Variants in ZMAT4 observed in about 807,000 individuals in gnomAD.
The protein encoded by ZMAT4 is zinc finger matrin-type 4.
Under a neutral mutation model 28.7 loss-of-function variants are expected in ZMAT4, and 17 were observed. That is an observed-to-expected ratio of 0.59 (90% CI 0.41 to 0.89). The LOEUF (loss-of-function observed/expected upper bound fraction) is 0.89. Among genes scored for constraint, ZMAT4 ranks in the 40% least tolerant of loss-of-function variants. The pLI, the probability that ZMAT4 is intolerant of heterozygous loss-of-function variation, is 0.00. For missense variants in ZMAT4, 240 were observed against 283.8 expected, an observed-to-expected ratio of 0.85 and a Z score of 1.11; for synonymous variants, 117 against 109.2, an observed-to-expected ratio of 1.07 and a Z score of -0.44.
At chr8:40,820,794 T>C (rs1343649672) in intron 2 of ZMAT4, among the ~76,000 whole-genome samples, 1 of 151,302 alleles carries the variant, frequency 6.6e-6, no homozygotes, top group Non-Finnish European at 1.5e-5. Context: ...TGTGTCTGTG[T>C]GTGTATATAT....
chr8:40,842,116 C>A (rs1816725489), intron 1 of ZMAT4, among the ~76,000 whole-genome samples: 1 of 152,172 alleles, frequency 6.6e-6, no homozygotes. Flanking sequence ...GGCACCTGAA[C>A]CTGTAGGTGA....
chr8:40,580,243 ACCT>A (rs1804414991), intron 6 of ZMAT4, among the ~76,000 whole-genome samples: 1 of 151,252 alleles, frequency 6.6e-6, no homozygotes, highest in South Asian at 2.1e-4. Context: ...CTATCTGCTG[ACCT>A]CCTGATCCGC....
intron 6 of ZMAT4, among the ~76,000 whole-genome samples, chr8:40,570,721 C>A (rs555009580): frequency 3.5e-5 from 2 of 57,500 alleles, no homozygotes; most frequent in East Asian, 5.5e-4. Context: ...AGAACAACAA[C>A]GACAGAAAAC....
At chr8:40,663,145 A>C (rs535470979) in intron 5 of ZMAT4, among the ~76,000 whole-genome samples, 1 of 152,194 alleles carries the variant, frequency 6.6e-6, no homozygotes, top group East Asian at 1.9e-4. Flanking sequence ...TCTTACCTTC[A>C]TCTAACCCAA....
intron 5 of ZMAT4, among the ~76,000 whole-genome samples, chr8:40,581,997 G>A (rs1295991931): frequency 2.6e-5 from 4 of 152,150 alleles, no homozygotes; most frequent in African/African-American, 9.7e-5. Context: ...ATTTGCCGCA[G>A]AGCTGAGACC....
chr8:40,713,492 A>G (rs1810711800), intron 3 of ZMAT4, among the ~76,000 whole-genome samples: 1 of 152,216 alleles, frequency 6.6e-6, no homozygotes. Context: ...GCAAAAAAAT[A>G]TTAACCATAC....
At chr8:40,680,337 T>A (rs1376486442) in intron 4 of ZMAT4, among the ~76,000 whole-genome samples, 1 of 152,082 alleles carries the variant, frequency 6.6e-6, no homozygotes, top group Non-Finnish European at 1.5e-5. Flanking sequence ...GACCTGTGGT[T>A]TTTGGGGCTA....
At chr8:40,625,167 T>C (rs1806328311) in intron 5 of ZMAT4, among the ~76,000 whole-genome samples, 1 of 151,944 alleles carries the variant, frequency 6.6e-6, no homozygotes, top group South Asian at 2.1e-4. Context: ...AGAGAACAGC[T>C]TGATGCATCC....
intron 3 of ZMAT4, among the ~76,000 whole-genome samples, chr8:40,699,289 TG>T (rs1472625060): frequency 6.6e-6 from 1 of 152,160 alleles, no homozygotes; most frequent in Admixed American, 6.5e-5. Flanking sequence ...TACTACATGC[TG>T]GAGGATATAT....
intron 2 of ZMAT4, among the ~76,000 whole-genome samples, chr8:40,783,027 T>G (rs1369216259): frequency 6.6e-6 from 1 of 152,160 alleles, no homozygotes; most frequent in Non-Finnish European, 1.5e-5. Flanking sequence ...GAAGTGAGAG[T>G]TACCATATGA....
chr8:40,778,360 A>G (rs1185323002), intron 2 of ZMAT4, among the ~76,000 whole-genome samples: 1 of 152,242 alleles, frequency 6.6e-6, no homozygotes, highest in African/African-American at 2.4e-5. Flanking sequence ...TCAGTGTAAA[A>G]TAATGTGCAC....
At chr8:40,700,007 C>T (rs1031154520) in intron 3 of ZMAT4, among the ~76,000 whole-genome samples, 5 of 152,148 alleles carry the variant, frequency 3.3e-5, no homozygotes, top group Non-Finnish European at 5.9e-5. Flanking sequence ...AACTAGTTTC[C>T]AGGACAAAGA....
chr8:40,864,829 T>C (rs1388699099), intron 1 of ZMAT4, among the ~76,000 whole-genome samples: 1 of 152,216 alleles, frequency 6.6e-6, no homozygotes, highest in Non-Finnish European at 1.5e-5. Flanking sequence ...CTATATGTCA[T>C]AACATTTCAA....
chr8:40,803,896 A>G (rs781239106), intron 2 of ZMAT4, among the ~76,000 whole-genome samples: 1 of 152,228 alleles, frequency 6.6e-6, no homozygotes, highest in Admixed American at 6.5e-5. Context: ...ATTCATCACT[A>G]AAAAGAAATG....
chr8:40,876,656 A>C (rs1371361502), intron 1 of ZMAT4, among the ~76,000 whole-genome samples: 1 of 152,192 alleles, frequency 6.6e-6, no homozygotes, highest in Non-Finnish European at 1.5e-5. Context: ...TCTCTAGCTT[A>C]CTTTATAATA....
intron 1 of ZMAT4, among the ~76,000 whole-genome samples, chr8:40,888,197 A>G (rs1818540023): frequency 6.6e-6 from 1 of 152,198 alleles, no homozygotes; most frequent in South Asian, 2.1e-4. Flanking sequence ...CCTTCTCCAG[A>G]AACATCAGGT....
chr8:40,655,687 G>A (rs1042063796), intron 5 of ZMAT4, among the ~76,000 whole-genome samples: 6 of 152,012 alleles, frequency 3.9e-5, no homozygotes, highest in African/African-American at 1.4e-4. Context: ...CAGCAAAGGT[G>A]CCATGACAAT....
chr8:40,595,873 C>T (rs1305104163), intron 5 of ZMAT4, among the ~76,000 whole-genome samples: 1 of 152,072 alleles, frequency 6.6e-6, no homozygotes, highest in African/African-American at 2.4e-5. Context: ...CACCTAAGGT[C>T]AGGAGTTCAA....
At chr8:40,863,452 G>A (rs1045181476) in intron 1 of ZMAT4, among the ~76,000 whole-genome samples, 4 of 152,316 alleles carry the variant, frequency 2.6e-5, no homozygotes, top group South Asian at 2.1e-4. Flanking sequence ...GGGAGAAGGA[G>A]AATCAAGAAC....
Sources: allele counts gnomAD v4.1 joint callset (sites outside exome capture counted in the v4.1 genomes callset), GRCh38; gene constraint gnomAD v4.1.1; transcripts MANE v1.5; gene names NCBI Gene and HGNC (gene_info 2026-07-23, HGNC 2026-07-21).